Variants in NOX5 observed in about 807,000 individuals in gnomAD.
The protein encoded by NOX5 is NADPH oxidase 5.
A neutral mutation model predicts 85.7 loss-of-function variants in NOX5; 76 were observed. The ratio of observed to expected loss-of-function variants is 0.89; its 90% CI spans 0.74 to 1.07. The LOEUF (loss-of-function observed/expected upper bound fraction) is 1.07, where lower values mean the gene tolerates loss of function less well. Among genes scored for constraint, NOX5 ranks in the 50% least tolerant of loss-of-function variants. The probability of loss-of-function intolerance (pLI) is 0.00; values close to 1 mark genes in which losing one functional copy is unlikely to be tolerated. For synonymous variants in NOX5, 405 were observed against 401.4 expected (o/e 1.01, Z -0.11); for missense variants, 973 against 999.5 (o/e 0.97, Z 0.36).
At chr15:69,047,570 G>T in intron 12 of NOX5, 33 bp downstream of exon 12, 2 of 1,600,506 alleles carry the variant, frequency 1.2e-6, no homozygotes, top group Non-Finnish European at 1.7e-6. Context: ...CCTGCATCCT[G>T]GGTCAGAGCC....
At chr15:69,038,015 G>A (rs1283666868) in intron 8 of NOX5, 1 of 152,526 alleles carries the variant, frequency 6.6e-6, no homozygotes, top group Non-Finnish European at 1.5e-5. Context: ...TTGTGGGGAG[G>A]TTCTTGCAAA....
intron 14 of NOX5, among the ~76,000 whole-genome samples, chr15:69,054,693 T>C (rs954301374): frequency 1.8e-4 from 28 of 152,146 alleles, no homozygotes; most frequent in African/African-American, 6.5e-4. Flanking sequence ...CCAGTCCCCA[T>C]CCCTTCTGGG....
At chr15:69,034,898 A>G (rs1006672456) in intron 5 of NOX5, among the ~76,000 whole-genome samples, 1 of 152,154 alleles carries the variant, frequency 6.6e-6, no homozygotes, top group Non-Finnish European at 1.5e-5. Context: ...AGCTAGGATT[A>G]CAGGTGTGTG....
rs2050215983 is a variant in NOX5 at position 69,015,134 on chromosome 15, CA to C, written c.50+352del. On this transcript the variant is annotated intron_variant, in intron 1 of 15. Transcript: ENST00000388866. ...TTGTGGGCTGGTCATTCAGCTGGTGCAAAGCAAGGCTGGACCTAAAATCCTG... is the reference window on the plus strand; with the variant it reads ...TTGTGGGCTGGTCATTCAGCTGGTGCAAGCAAGGCTGGACCTAAAATCCTG... Among the ~76,000 whole-genome samples the C allele has an allele frequency of 1.1e-4, 17 of 152,340 alleles. 1 individual carries two copies. The South Asian group carries it at 3.5e-3, about 32-fold the overall frequency.
intron 1 of NOX5, chr15:69,023,078 C>T: frequency 4.6e-6 from 2 of 432,144 alleles, no homozygotes; most frequent in Middle Eastern, 7.3e-4. Flanking sequence ...ACTGTGAGTT[C>T]AATAATAACC....
chr15:69,017,404 G>A (rs1366386659), intron 1 of NOX5, among the ~76,000 whole-genome samples: 2 of 152,030 alleles, frequency 1.3e-5, no homozygotes, highest in Non-Finnish European at 2.9e-5. Context: ...CATCTGCCTC[G>A]GCCCCCCAAA....
chr15:69,018,296 G>GC (rs1405910314), intron 1 of NOX5, among the ~76,000 whole-genome samples: 18 of 152,146 alleles, frequency 1.2e-4, no homozygotes, highest in African/African-American at 4.1e-4. Context: ...GTGAGAGGCA[G>GC]CTGGCGGAGT....
chr15:69,021,067 T>G (rs1474880848), intron 1 of NOX5, among the ~76,000 whole-genome samples: 2 of 152,218 alleles, frequency 1.3e-5, no homozygotes, highest in Non-Finnish European at 2.9e-5. Context: ...GGGTTTGTTT[T>G]TTTTTTAAAG....
chr15:69,029,548 G>C (rs2140255139), intron 3 of NOX5: 1 of 152,154 alleles, frequency 6.6e-6, no homozygotes, highest in South Asian at 2.1e-4. Context: ...TGGTAATTCT[G>C]GTAATTCTAT....
At position 69,047,657 on chromosome 15, in the gene NOX5, T is replaced by C. The variant is rs1244912930; in HGVS notation, c.1817+120T>C. The C allele has an allele frequency of 2.9e-6, 4 of 1,401,222 alleles. No homozygotes were observed. In the Admixed American group the frequency reaches 6.5e-5, roughly 23 times the overall value. The allele number at this position is 1,401,222 out of a possible 1,614,324, so 86.8% of individuals were successfully genotyped here. A position where few individuals can be genotyped will look rare whatever the true frequency, so the allele number is the denominator to read the frequency against. ...TTTCACCTGTCTCTCTCTGCTCTTC[T>C]CTCTCTTTCCTCTCCTGCTCTGCCC... On this transcript the variant is annotated intron_variant, in intron 12 of 15. Transcript: ENST00000388866.
chr15:69,035,690 C>T (rs548882914), intron 6 of NOX5, 68 bp from the exon 7 acceptor site: 22 of 1,582,470 alleles, frequency 1.4e-5, no homozygotes, highest in Non-Finnish European at 8.6e-7. Flanking sequence ...GGGTGGGGAT[C>T]CCAATGGGAA....
chr15:69,056,846 G>A lies in NOX5; in HGVS notation c.*150G>A. On this transcript the variant is annotated 3_prime_UTR_variant, in exon 16 of 16. Transcript: ENST00000388866. ...TAATCCTGCTCAACAGAGAGAACAG[G>A]AGACCCCAAGGGGCAGATGAACTTC... 2 of 945,122 alleles carry A rather than the reference G, an allele frequency of 2.1e-6. No homozygotes were observed. Among genetic ancestry groups the A allele is most frequent in the South Asian group, 1.8e-5 (1 of 54,654 alleles). 58.5% of individuals were successfully genotyped at this position (945,122 alleles called of 1,614,324 possible).
intron 9 of NOX5, 74 bp downstream of exon 9, chr15:69,039,063 A>G: frequency 6.6e-7 from 1 of 1,522,614 alleles, no homozygotes; most frequent in Non-Finnish European, 9.1e-7. Flanking sequence ...CAGGCTGGAA[A>G]CTCGGAACAC....
intron 14 of NOX5, among the ~76,000 whole-genome samples, chr15:69,053,103 TTTAA>T (rs1283661996): frequency 6.6e-6 from 1 of 152,278 alleles, no homozygotes; most frequent in African/African-American, 2.4e-5. Flanking sequence ...TGATTTCAAC[TTTAA>T]TTATACGTCA....
intron 5 of NOX5, among the ~76,000 whole-genome samples, chr15:69,033,847 C>T (rs2050477176): frequency 6.6e-6 from 1 of 151,958 alleles, no homozygotes; most frequent in African/African-American, 2.4e-5. Context: ...GCAACCGCCA[C>T]CATGCCCAGC....
At chr15:69,031,839 C>A in intron 4 of NOX5, 27 bp downstream of exon 4, 1 of 1,572,340 alleles carries the variant, frequency 6.4e-7, no homozygotes, top group Non-Finnish European at 8.7e-7. Context: ...GGCATTGGCA[C>A]TGTCCACGGC....
At position 69,048,953 on chromosome 15, in the gene NOX5, C is replaced by T. The variant is rs146023435; in HGVS notation, c.1900-6C>T. 2,630 of 1,608,456 alleles carry T rather than the reference C, an allele frequency of 1.6e-3. 17 individuals carry two copies. Among genetic ancestry groups the T allele is most frequent in the East Asian group, 0.011 (472 of 44,768 alleles). ...AGCCTCTGAGCTGAAGGGCCTCTCT[C>T]CGTAGGTGGACTTTATCTGGATCAA... On this transcript the variant is annotated splice_polypyrimidine_tract_variant and splice_region_variant and intron_variant, in intron 13 of 15. Coordinates refer to ENST00000388866, the MANE Select transcript of NOX5 (RefSeq NM_024505.4).
chr15:69,035,588 G>T, intron 6 of NOX5, 81 bp downstream of exon 6: 1 of 1,570,142 alleles, frequency 6.4e-7, no homozygotes, highest in Non-Finnish European at 8.6e-7. Flanking sequence ...GCCCCTGTGT[G>T]TACTGCCTGC....
rs757953193 is a variant in NOX5, at chr15:69,046,806, G to A, written c.1648-16G>A. On this transcript the variant is annotated splice_polypyrimidine_tract_variant and intron_variant, in intron 10 of 15. Transcript: ENST00000388866. Reference sequence around the variant, plus strand: ...TCCATTCCAAGACCCATAACTCTCTGCTCTACTCCCTGCAGGGCTCTGAGA... The same window carrying A: ...TCCATTCCAAGACCCATAACTCTCTACTCTACTCCCTGCAGGGCTCTGAGA... 6 of 1,613,132 alleles carry A rather than the reference G, an allele frequency of 3.7e-6. No individual in the cohort carries two copies. Among genetic ancestry groups the A allele is most frequent in the Non-Finnish European group, 5.1e-6 (6 of 1,179,254 alleles).
Sources: allele counts gnomAD v4.1 joint callset (sites outside exome capture counted in the v4.1 genomes callset), GRCh38; gene constraint gnomAD v4.1.1; transcripts MANE v1.5; gene names NCBI Gene and HGNC (gene_info 2026-07-23, HGNC 2026-07-21).